The following GRIP1 variants were observed in gnomAD, a reference collection of about 807,000 sequenced individuals.
GRIP1 encodes the protein glutamate receptor interacting protein 1, also known as glutamate receptor-interacting protein 1.
In GRIP1, 45 loss-of-function variants were observed where a neutral mutation model predicts 129.9. The ratio of observed to expected loss-of-function variants is 0.35; its 90% confidence interval spans 0.27 to 0.44. GRIP1 has a LOEUF of 0.44. Among genes scored for constraint, GRIP1 ranks in the 20% least tolerant of loss-of-function variants. The probability of loss-of-function intolerance (pLI) is 1.00; values close to 1 mark genes in which losing one functional copy is unlikely to be tolerated. For missense variants in GRIP1, 1,196 were observed against 1,396.8 expected, an observed-to-expected ratio of 0.86 and a Z score of 2.29; for synonymous variants, 530 against 520.8, an observed-to-expected ratio of 1.02 and a Z score of -0.24.
chr12:66,896,797 GAAGTT>G (rs2040756982), intron 1 of GRIP1, among the ~76,000 whole-genome samples: 1 of 152,192 alleles, frequency 6.6e-6, no homozygotes, highest in South Asian at 2.1e-4. Context: ...TTCTGTATTC[GAAGTT>G]AAGTGTCACG....
At chr12:66,595,915 A>T (rs1461053764) in intron 2 of GRIP1, among the ~76,000 whole-genome samples, 1 of 152,200 alleles carries the variant, frequency 6.6e-6, no homozygotes, top group South Asian at 2.1e-4. Context: ...CTCTTTATTC[A>T]AATGGAAAAT....
chr12:66,762,067 T>C (rs777056680), intron 1 of GRIP1, among the ~76,000 whole-genome samples: 1 of 152,218 alleles, frequency 6.6e-6, no homozygotes, highest in Non-Finnish European at 1.5e-5. Context: ...TGTATAGCAC[T>C]TAACTCAGAG....
chr12:66,564,430 T>C (rs796987559), intron 2 of GRIP1, among the ~76,000 whole-genome samples: 31 of 152,166 alleles, frequency 2.0e-4, no homozygotes, highest in African/African-American at 6.5e-4. Context: ...TCCAGCTTCA[T>C]CCATGTCCCT....
At chr12:66,933,467 C>T (rs887591277) in intron 1 of GRIP1, among the ~76,000 whole-genome samples, 3 of 152,164 alleles carry the variant, frequency 2.0e-5, no homozygotes, top group Admixed American at 1.3e-4. Flanking sequence ...ATTTACTATA[C>T]TAAATGCAGA....
At chr12:66,971,066 G>A (rs938005208) in intron 1 of GRIP1, among the ~76,000 whole-genome samples, 5 of 152,120 alleles carry the variant, frequency 3.3e-5, no homozygotes, top group African/African-American at 7.2e-5. Context: ...AGACTCCTGC[G>A]CCTAGGAGTT....
intron 1 of GRIP1, among the ~76,000 whole-genome samples, chr12:67,019,188 A>G (rs952827375): frequency 6.6e-6 from 1 of 152,150 alleles, no homozygotes; most frequent in African/African-American, 2.4e-5. Flanking sequence ...CTACTTCACA[A>G]TTTTACCCAC....
rs572524892 is a variant in GRIP1, at chr12:66,371,017, C to G, written c.3012+677G>C. The stretch of plus-strand genomic sequence containing the variant: ...AGCCTCCCTGCATTGAACCTGAACC[C>G]CTTTTTCTGTGAAGCTATGAGTGTA... On this transcript the variant is annotated intron_variant, in intron 23 of 24. Transcript: ENST00000359742. Among the ~76,000 whole-genome samples the G allele has an allele frequency of 3.9e-5, 6 of 152,252 alleles. No individual in the cohort carries two copies. The South Asian group carries it at 6.2e-4, about 16-fold the overall frequency.
intron 5 of GRIP1, among the ~76,000 whole-genome samples, chr12:66,520,262 A>G (rs941106130): frequency 2.6e-5 from 4 of 152,190 alleles, no homozygotes; most frequent in Non-Finnish European, 5.9e-5. Flanking sequence ...GCACTTTCTC[A>G]TTCTGATTAA....
chr12:66,479,837 G>C (rs961244978), intron 7 of GRIP1, among the ~76,000 whole-genome samples: 2 of 140,428 alleles, frequency 1.4e-5, no homozygotes, highest in African/African-American at 5.1e-5. Flanking sequence ...TATCTCAATA[G>C]ATGTAGAAAA....
At chr12:66,693,667 C>T (rs2035055386) in intron 1 of GRIP1, among the ~76,000 whole-genome samples, 2 of 152,130 alleles carry the variant, frequency 1.3e-5, no homozygotes, top group South Asian at 4.1e-4. Context: ...GCTCACATGA[C>T]AACTGCAAGT....
intron 1 of GRIP1, among the ~76,000 whole-genome samples, chr12:67,012,889 G>A (rs1225020209): frequency 6.6e-6 from 1 of 152,186 alleles, no homozygotes; most frequent in African/African-American, 2.4e-5. Flanking sequence ...TGATGAAGAA[G>A]TGTGTCTCTG....
At chr12:66,953,765 G>A (rs780839579) in intron 1 of GRIP1, among the ~76,000 whole-genome samples, 1 of 152,098 alleles carries the variant, frequency 6.6e-6, no homozygotes, top group Non-Finnish European at 1.5e-5. Flanking sequence ...AAGAAAAGTA[G>A]ACAAAACTGA....
At chr12:66,386,893 T>C (rs1190038089) in intron 19 of GRIP1, among the ~76,000 whole-genome samples, 1 of 152,230 alleles carries the variant, frequency 6.6e-6, no homozygotes, top group African/African-American at 2.4e-5. Context: ...GATCTAAATG[T>C]CAATGCAAAG....
chr12:66,970,537 T>C (rs1342504513), intron 1 of GRIP1, among the ~76,000 whole-genome samples: 1 of 112,202 alleles, frequency 8.9e-6, no homozygotes, highest in East Asian at 3.2e-4. Flanking sequence ...AGTCCTCTAG[T>C]GTCTTTTTTT....
intron 1 of GRIP1, among the ~76,000 whole-genome samples, chr12:66,976,148 G>A (rs1335976410): frequency 6.6e-6 from 1 of 152,054 alleles, no homozygotes; most frequent in East Asian, 1.9e-4. Flanking sequence ...GACATGCATC[G>A]CTTAATTTCC....
chr12:66,401,817 T>A lies in GRIP1; in HGVS notation c.1984+4466A>T, dbSNP rs112692076. Among the ~76,000 whole-genome samples the A allele has an allele frequency of 2.4e-3, 361 of 151,930 alleles. 1 individual carries two copies. The highest frequency in any genetic ancestry group is 7.7e-3 in the African/African-American group (319 of 41,286). ...CATTCTTAGTCTTTCATTCTACTGT[T>A]TCCCCCAGCTTGGGCTAGAAACAGA... is the stretch of plus-strand genomic sequence containing the variant. On this transcript the variant is annotated intron_variant, in intron 16 of 24. Transcript: ENST00000359742.
chr12:66,464,543 T>C (rs1247951693), intron 8 of GRIP1, among the ~76,000 whole-genome samples: 1 of 152,246 alleles, frequency 6.6e-6, no homozygotes, highest in Non-Finnish European at 1.5e-5. Flanking sequence ...TAGCAGGATT[T>C]AATTGTCAAC....
At chr12:67,040,994 C>A (rs534715279) in intron 1 of GRIP1, among the ~76,000 whole-genome samples, 5 of 152,168 alleles carry the variant, frequency 3.3e-5, no homozygotes, top group African/African-American at 1.2e-4. Flanking sequence ...AAAAAACTGA[C>A]CTCCCCCAAA....
intron 2 of GRIP1, among the ~76,000 whole-genome samples, chr12:66,589,484 C>T (rs2063775235): frequency 6.6e-6 from 1 of 152,126 alleles, no homozygotes; most frequent in Non-Finnish European, 1.5e-5. Context: ...AAAGTCATGT[C>T]TTCTGAGAAG....
Sources: allele counts gnomAD v4.1 joint callset (sites outside exome capture counted in the v4.1 genomes callset), GRCh38; gene constraint gnomAD v4.1.1; transcripts MANE v1.5; gene names NCBI Gene and HGNC (gene_info 2026-07-23, HGNC 2026-07-21).